CCDC171: variants seen among roughly 807,000 people sequenced by gnomAD.
The protein encoded by CCDC171 is coiled-coil domain containing 171, also known as coiled-coil domain-containing protein 171.
A neutral mutation model predicts 168.2 loss-of-function variants in CCDC171; 177 were observed. That is an observed-to-expected ratio of 1.05 (90% CI 0.93 to 1.19). The LOEUF (loss-of-function observed/expected upper bound fraction) is 1.19, where lower values mean the gene tolerates loss of function less well. Among genes scored for constraint, CCDC171 ranks in the 50% most tolerant of loss-of-function variants. The pLI is 0.00. For synonymous variants in CCDC171, 687 were observed against 540.8 expected, an observed-to-expected ratio of 1.27 and a Z score of -3.75; for missense variants, 1,991 against 1,539.0, an observed-to-expected ratio of 1.29 and a Z score of -4.91.
At chr9:15,885,972 C>T (rs1172525486) in intron 24 of CCDC171, 1 of 152,108 alleles carries the variant, frequency 6.6e-6, no homozygotes, top group Non-Finnish European at 1.5e-5. Flanking sequence ...AAGAAGAGAA[C>T]TAAAAGTTAT....
intron 6 of CCDC171, among the ~76,000 whole-genome samples, chr9:16,024,274 A>G (rs145373096): frequency 6.6e-6 from 1 of 152,192 alleles, no homozygotes; most frequent in East Asian, 1.9e-4. Flanking sequence ...ATTTGTTACA[A>G]TAAAAATAGG....
At chr9:15,684,037 G>A (rs1269033616) in intron 10 of CCDC171, among the ~76,000 whole-genome samples, 2 of 152,000 alleles carry the variant, frequency 1.3e-5, no homozygotes, top group Non-Finnish European at 2.9e-5. Flanking sequence ...TTAGGGAAAA[G>A]CTGCTGATGG....
intron 21 of CCDC171, among the ~76,000 whole-genome samples, chr9:15,822,297 C>T (rs1011556089): frequency 7.9e-5 from 12 of 151,838 alleles, no homozygotes; most frequent in Non-Finnish European, 8.8e-5. Flanking sequence ...TCTAAAACAC[C>T]GAAGGCAATG....
chr9:15,719,487 G>C (rs1283793996), intron 11 of CCDC171, among the ~76,000 whole-genome samples: 2 of 151,330 alleles, frequency 1.3e-5, no homozygotes, highest in Admixed American at 6.6e-5. Context: ...ACTTTCCAAA[G>C]CTAGAGAAAT....
intron 25 of CCDC171, among the ~76,000 whole-genome samples, chr9:15,953,073 A>T (rs976721467): frequency 2.0e-5 from 3 of 152,054 alleles, no homozygotes; most frequent in African/African-American, 7.2e-5. Context: ...TTCTTACAGT[A>T]TTTTGTGTGG....
At chr9:15,706,264 CCTTCCTTT>C (rs1564253197) in intron 11 of CCDC171, among the ~76,000 whole-genome samples, 5 of 151,526 alleles carry the variant, frequency 3.3e-5, no homozygotes, top group Non-Finnish European at 5.9e-5. Flanking sequence ...TTCCTTCCTT[CCTTCCTTT>C]CTTCCTTCCT....
intron 25 of CCDC171, among the ~76,000 whole-genome samples, chr9:15,956,782 G>A (rs1436880755): frequency 2.0e-5 from 3 of 152,102 alleles, no homozygotes; most frequent in Non-Finnish European, 4.4e-5. Flanking sequence ...GTCCATAAGT[G>A]CATGTTTATG....
At chr9:15,595,880 G>T (rs2042308809) in intron 6 of CCDC171, among the ~76,000 whole-genome samples, 1 of 152,164 alleles carries the variant, frequency 6.6e-6, no homozygotes, top group Non-Finnish European at 1.5e-5. Flanking sequence ...GTTTTGATTT[G>T]CATTTCTCTG....
At chr9:15,698,177 A>G (rs7873842) in intron 11 of CCDC171, among the ~76,000 whole-genome samples, 7,110 of 152,212 alleles carry the variant, frequency 0.047, 349 homozygotes, top group South Asian at 0.13. Flanking sequence ...AGTAACCACC[A>G]TTCTACTCTC....
the CCDC171 span, among the ~76,000 whole-genome samples, chr9:16,074,292 G>T: frequency 6.6e-6 from 1 of 152,048 alleles, no homozygotes; most frequent in Non-Finnish European, 1.5e-5. Flanking sequence ...TCTTTGTCTT[G>T]CTGGATATAT....
At chr9:16,048,741 G>C (rs3008679) in intron 1 of CCDC171, among the ~76,000 whole-genome samples, 97,350 of 151,890 alleles carry the variant, frequency 0.64, 34,128 homozygotes, top group East Asian at 0.84. Flanking sequence ...CCTCTGCTCT[G>C]TCATCTGTAA....
In CCDC171 at chr9:15,595,951, G is replaced by C. The variant is rs2042315383; in HGVS notation, c.675+1779G>C. ...TTTGGCTGCAGAAATGTCTTCTTTTGAGAAGTGTCTGTTCATATCCTTCGC... is the reference window on the plus strand; with the variant it reads ...TTTGGCTGCAGAAATGTCTTCTTTTCAGAAGTGTCTGTTCATATCCTTCGC... On this transcript the variant is annotated intron_variant, in intron 6 of 25. Transcript: ENST00000380701. 3.9e-5 allele frequency among the ~76,000 whole-genome samples: 6 copies of C among 152,246 alleles called. No homozygotes were observed. In the South Asian group the frequency reaches 1.2e-3, roughly 32 times the overall value.
intron 8 of CCDC171, among the ~76,000 whole-genome samples, chr9:15,664,116 A>T (rs973336626): frequency 6.6e-6 from 1 of 152,134 alleles, no homozygotes; most frequent in African/African-American, 2.4e-5. Flanking sequence ...AAAGGGTGGG[A>T]TGCTGGAAAT....
intron 9 of CCDC171, among the ~76,000 whole-genome samples, chr9:15,667,552 A>G (rs1207868251): frequency 6.6e-6 from 1 of 152,136 alleles, no homozygotes; most frequent in African/African-American, 2.4e-5. Flanking sequence ...AGGCTGAGGC[A>G]GAAGAATCAC....
At chr9:15,729,218 C>G (rs148525785) in intron 15 of CCDC171, among the ~76,000 whole-genome samples, 2 of 152,056 alleles carry the variant, frequency 1.3e-5, no homozygotes, top group Admixed American at 1.3e-4. Context: ...GAACATTCTG[C>G]TTTATTTCAT....
chr9:16,052,863 C>G (rs1371992623), intron 1 of CCDC171, among the ~76,000 whole-genome samples: 3 of 151,776 alleles, frequency 2.0e-5, no homozygotes, highest in Non-Finnish European at 4.4e-5. Flanking sequence ...ATTAAAACCC[C>G]TTTTCTTTTC....
chr9:15,688,172 A>T (rs138543553), intron 10 of CCDC171, among the ~76,000 whole-genome samples: 3 of 151,874 alleles, frequency 2.0e-5, no homozygotes, highest in East Asian at 3.9e-4. Flanking sequence ...ATGCAATAGC[A>T]GGATGTCTTA....
intron 21 of CCDC171, among the ~76,000 whole-genome samples, 161 bp from the exon 22 acceptor site, chr9:15,846,541 C>A (rs79617025): frequency 0.027 from 4,062 of 152,096 alleles, 193 homozygotes; most frequent in African/African-American, 0.093. Flanking sequence ...CTAATTAGTA[C>A]GTATATAAAA....
At chr9:15,843,896 T>C (rs191635039) in intron 21 of CCDC171, among the ~76,000 whole-genome samples, 3 of 152,214 alleles carry the variant, frequency 2.0e-5, no homozygotes, top group Admixed American at 2.0e-4. Context: ...TTCATTCTTC[T>C]CCCCACTAAA....
Sources: gnomAD v4.1 joint callset for allele counts (sites outside exome capture counted in the v4.1 genomes callset) on GRCh38, gnomAD v4.1.1 for gene constraint, MANE v1.5 for transcripts, NCBI Gene and HGNC (gene_info 2026-07-23, HGNC 2026-07-21) for gene names.